MDGA2: variants seen among roughly 807,000 people sequenced by gnomAD.
MDGA2 encodes the protein MAM domain containing glycosylphosphatidylinositol anchor 2.
A neutral mutation model predicts 117.8 loss-of-function variants in MDGA2; 40 were observed. The ratio of observed to expected loss-of-function variants is 0.34; its 90% CI spans 0.26 to 0.44. The LOEUF (loss-of-function observed/expected upper bound fraction) is 0.44, where lower values mean the gene tolerates loss of function less well. Ranked by LOEUF, MDGA2 falls within the 20% of genes least tolerant of loss-of-function variation. MDGA2 has a pLI of 1.00. For missense variants in MDGA2, 1,123 were observed against 1,250.6 expected (o/e 0.90, Z 1.54); for synonymous variants, 452 against 439.0 (o/e 1.03, Z -0.37).
chr14:46,920,066 C>G lies in MDGA2; in HGVS notation c.2184G>C (p.Gln728His). Reference protein sequence around the residue: ...RVYSYSLQWTQMNPDAVDRIV... With the variant: ...RVYSYSLQWTHMNPDAVDRIV... ...TCCGATCCACTGCATCAGGATTCAT[C>G]TGTGTCCACTGTAGACTGTAAGAAT... The change falls in exon 10 of 17, where the codon CAG (glutamine) becomes CAC (histidine). Residue 728 changes from glutamine to histidine, a missense_variant. Physicochemically the swap from Gln to His is conservative, Grantham distance 24. Around this residue, in one of 2 missense-constraint regions of MDGA2, gnomAD observed 890 missense variants for 1,050.3 expected, o/e 0.85. Coordinates refer to ENST00000399232, the MANE Select transcript of MDGA2 (RefSeq NM_001113498.3). The G allele has an allele frequency of 6.2e-7, 1 of 1,606,084 alleles. No homozygotes were observed. The highest frequency in any genetic ancestry group is 8.5e-7 in the Non-Finnish European group (1 of 1,176,790).
chr14:47,539,262 C>T (rs935020203), intron 1 of MDGA2, among the ~76,000 whole-genome samples: 1 of 152,190 alleles, frequency 6.6e-6, no homozygotes, highest in Admixed American at 6.5e-5. Flanking sequence ...AAGCAGAGTG[C>T]CACCGGATGT....
At chr14:46,877,692 T>C (rs1882287681) in intron 11 of MDGA2, among the ~76,000 whole-genome samples, 183 bp from the exon 12 acceptor site, 1 of 151,826 alleles carries the variant, frequency 6.6e-6, no homozygotes, top group African/African-American at 2.4e-5. Context: ...TTGAATATAA[T>C]CTGCTTTGGA....
rs1173978364 is a variant in MDGA2, at chr14:47,210,042, A to G, written c.595+7979T>C. Among the ~76,000 whole-genome samples the G allele has an allele frequency of 5.3e-5, 8 of 152,216 alleles. No individual in the cohort carries two copies. The East Asian group carries it at 1.5e-3, about 29-fold the overall frequency. ...AATCAAGTTGATGGTTCCAATAAAA[A>G]TAAACTCATTGTCAATAATATTTTG... On this transcript the variant is annotated intron_variant, in intron 3 of 16. Coordinates refer to ENST00000399232, the MANE Select transcript of MDGA2 (RefSeq NM_001113498.3).
intron 8 of MDGA2, among the ~76,000 whole-genome samples, chr14:47,029,052 T>C (rs1888571474): frequency 6.6e-6 from 1 of 152,128 alleles, no homozygotes; most frequent in Non-Finnish European, 1.5e-5. Flanking sequence ...GTACACTAAT[T>C]CTATCTCAAC....
At chr14:47,212,813 AC>A (rs754919926) in intron 3 of MDGA2, among the ~76,000 whole-genome samples, 65 of 151,988 alleles carry the variant, frequency 4.3e-4, no homozygotes, top group Non-Finnish European at 9.3e-4. Flanking sequence ...TCCCTTAATA[AC>A]TCACGTATTT....
At chr14:47,435,599 T>C (rs1019315915) in intron 1 of MDGA2, among the ~76,000 whole-genome samples, 2 of 152,152 alleles carry the variant, frequency 1.3e-5, no homozygotes, top group African/African-American at 4.8e-5. Context: ...GTGGCCTTCA[T>C]AATAATGTTT....
At chr14:47,261,725 G>A (rs1391616956) in intron 2 of MDGA2, among the ~76,000 whole-genome samples, 19 of 152,044 alleles carry the variant, frequency 1.2e-4, no homozygotes, top group Admixed American at 1.2e-3. Flanking sequence ...AAGTGTCTGG[G>A]TGCTCACCAT....
intron 2 of MDGA2, among the ~76,000 whole-genome samples, chr14:47,226,788 T>C (rs1469788474): frequency 6.6e-6 from 1 of 152,148 alleles, no homozygotes; most frequent in Non-Finnish European, 1.5e-5. Flanking sequence ...AATGTTATTG[T>C]TCCATCCTCT....
chr14:47,155,839 A>AT (rs1160976224), intron 3 of MDGA2, among the ~76,000 whole-genome samples: 1 of 140,100 alleles, frequency 7.1e-6, no homozygotes, highest in East Asian at 2.2e-4. Context: ...GTCTTGCGAC[A>AT]TTTTTTATAT....
At chr14:46,936,487 C>T (rs1884786067) in intron 9 of MDGA2, among the ~76,000 whole-genome samples, 1 of 152,018 alleles carries the variant, frequency 6.6e-6, no homozygotes, top group East Asian at 1.9e-4. Flanking sequence ...AAAATACCAA[C>T]ATACAAAATC....
intron 1 of MDGA2, among the ~76,000 whole-genome samples, chr14:47,630,111 G>A (rs1168228123): frequency 6.6e-6 from 1 of 151,544 alleles, no homozygotes; most frequent in African/African-American, 2.4e-5. Context: ...TACCATTTTT[G>A]TGAAGGAAAA....
chr14:47,367,525 G>A (rs1223280954), intron 1 of MDGA2, among the ~76,000 whole-genome samples: 2 of 152,126 alleles, frequency 1.3e-5, no homozygotes, highest in Admixed American at 6.5e-5. Context: ...TGTTTCGCAG[G>A]TAACCAAATG....
chr14:47,069,368 A>G (rs986556333), intron 6 of MDGA2, among the ~76,000 whole-genome samples: 1 of 152,212 alleles, frequency 6.6e-6, no homozygotes, highest in Non-Finnish European at 1.5e-5. Context: ...GGTAGGATAT[A>G]ACGTTTAAGA....
At chr14:47,226,145 A>G (rs1886490091) in intron 2 of MDGA2, among the ~76,000 whole-genome samples, 1 of 151,330 alleles carries the variant, frequency 6.6e-6, no homozygotes, top group African/African-American at 2.4e-5. Context: ...AAAAATAAAA[A>G]AATTTCCTAG....
At chr14:47,429,295 C>A (rs1892752752) in intron 1 of MDGA2, among the ~76,000 whole-genome samples, 1 of 145,014 alleles carries the variant, frequency 6.9e-6, no homozygotes, top group African/African-American at 2.6e-5. Context: ...TATATATACA[C>A]ACATATATAT....
At chr14:47,342,457 T>C (rs1017662884) in intron 1 of MDGA2, among the ~76,000 whole-genome samples, 2 of 151,932 alleles carry the variant, frequency 1.3e-5, no homozygotes, top group South Asian at 2.1e-4. Context: ...ATTCAAACGT[T>C]AGTATCTCTT....
At chr14:47,561,552 T>C (rs1895817233) in intron 1 of MDGA2, among the ~76,000 whole-genome samples, 1 of 152,170 alleles carries the variant, frequency 6.6e-6, no homozygotes, top group Non-Finnish European at 1.5e-5. Context: ...TGTATGGGAA[T>C]GCTACTGATT....
intron 1 of MDGA2, among the ~76,000 whole-genome samples, chr14:47,360,134 C>G (rs1891084402): frequency 6.6e-6 from 1 of 151,882 alleles, no homozygotes; most frequent in Non-Finnish European, 1.5e-5. Flanking sequence ...GGCGGATCAC[C>G]TGAGGTATGG....
intron 1 of MDGA2, among the ~76,000 whole-genome samples, chr14:47,545,495 T>C (rs1304298073): frequency 6.6e-6 from 1 of 152,136 alleles, no homozygotes; most frequent in Admixed American, 6.5e-5. Context: ...TGTTCATGAT[T>C]TGATATACAT....
Sources: gnomAD v4.1 joint callset for allele counts (sites outside exome capture counted in the v4.1 genomes callset) on GRCh38, gnomAD v4.1.1 for gene constraint, gnomAD v4.1.1 regional missense constraint, MANE v1.5 for transcripts, NCBI Gene and HGNC (gene_info 2026-07-23, HGNC 2026-07-21) for gene names.